The following LEPR variants were observed in gnomAD, a reference collection of about 807,000 sequenced individuals.
The protein encoded by LEPR is OB receptor.
A neutral mutation model predicts 114.7 loss-of-function variants in LEPR; 56 were observed. The observed-to-expected ratio is 0.49, with a 90% confidence interval of 0.39 to 0.61. The LOEUF (loss-of-function observed/expected upper bound fraction) is 0.61. LEPR is among the 20% of genes least tolerant of loss of function. The pLI, the probability that LEPR is intolerant of heterozygous loss-of-function variation, is 0.00. For synonymous variants in LEPR, 443 were observed against 461.4 expected (o/e 0.96, Z 0.51); for missense variants, 1,202 against 1,352.9 (o/e 0.89, Z 1.75).
At chr1:65,550,484 T>A (rs1226928356) in intron 2 of LEPR, among the ~76,000 whole-genome samples, 1 of 152,226 alleles carries the variant, frequency 6.6e-6, no homozygotes, top group African/African-American at 2.4e-5. Context: ...TCGAGCTTCC[T>A]GGCTGTTTTG....
chr1:65,574,803 G>A (rs896672499), intron 5 of LEPR, among the ~76,000 whole-genome samples: 1 of 152,224 alleles, frequency 6.6e-6, no homozygotes, highest in African/African-American at 2.4e-5. Flanking sequence ...TGAGTAGTGA[G>A]TAGTCAACGG....
intron 5 of LEPR, among the ~76,000 whole-genome samples, chr1:65,591,802 T>C (rs1313686105): frequency 6.6e-6 from 1 of 152,032 alleles, no homozygotes; most frequent in Non-Finnish European, 1.5e-5. Context: ...GTTAAGGCTG[T>C]TTGCATTTAG....
intron 4 of LEPR, 46 bp from the exon 5 acceptor site, chr1:65,572,280 T>A: frequency 6.8e-7 from 1 of 1,477,016 alleles, no homozygotes; most frequent in Non-Finnish European, 8.9e-7. Context: ...TTTTGAGATT[T>A]CATGTAGTTG....
chr1:65,535,128 A>G (rs539000987), intron 2 of LEPR, among the ~76,000 whole-genome samples: 3 of 152,072 alleles, frequency 2.0e-5, no homozygotes, highest in African/African-American at 7.2e-5. Flanking sequence ...ATAAACACAC[A>G]TATTATATGC....
At chr1:65,429,843 G>C in intron 2 of LEPR, 3 of 1,396,746 alleles carry the variant, frequency 2.1e-6, no homozygotes, top group Non-Finnish European at 2.8e-6. Context: ...TTTGGATTTT[G>C]CCTGGGTCCA....
intron 10 of LEPR, 80 bp from the exon 11 acceptor site, chr1:65,604,958 A>G: frequency 3.8e-6 from 6 of 1,567,332 alleles, no homozygotes; most frequent in Non-Finnish European, 4.3e-6. Context: ...GCTGTTTTAA[A>G]CAACAAATCA....
At chr1:65,630,758 T>G (rs1288178607) in intron 19 of LEPR, among the ~76,000 whole-genome samples, 3 of 152,022 alleles carry the variant, frequency 2.0e-5, no homozygotes, top group Non-Finnish European at 4.4e-5. Flanking sequence ...TTCCAGTGCT[T>G]CTGTTGGATT....
chr1:65,554,434 G>A (rs535111411), intron 2 of LEPR, among the ~76,000 whole-genome samples: 1 of 152,184 alleles, frequency 6.6e-6, no homozygotes, highest in African/African-American at 2.4e-5. Flanking sequence ...ATCTAGAGAG[G>A]CAGTCTGGCT....
At chr1:65,432,316 T>G in intron 2 of LEPR, 1 of 991,198 alleles carries the variant, frequency 1.0e-6, no homozygotes, top group Non-Finnish European at 1.2e-6. Flanking sequence ...TCCCTCTTTG[T>G]GTTGTAGTCC....
chr1:65,421,505 C>A (rs1646250547), intron 1 of LEPR: 2 of 1,534,686 alleles, frequency 1.3e-6, no homozygotes, highest in Non-Finnish European at 1.7e-6. Context: ...AGTAGCATGA[C>A]TTGTTTTTAT....
At chr1:65,615,445 G>C (rs923280167) in intron 14 of LEPR, among the ~76,000 whole-genome samples, 9 of 152,102 alleles carry the variant, frequency 5.9e-5, no homozygotes, top group African/African-American at 1.9e-4. Context: ...CATAGACACT[G>C]TTTTGATGGC....
In LEPR at chr1:65,483,834, T is replaced by C. The variant is rs532272158; in HGVS notation, c.-21+58456T>C. ...TAAGATGATTTCTCTGATAATTTTATCTGAAAAGTGACCACCCATCCTACT... is the reference window on the plus strand; with the variant it reads ...TAAGATGATTTCTCTGATAATTTTACCTGAAAAGTGACCACCCATCCTACT... On this transcript the variant is annotated intron_variant, in intron 2 of 19. Transcript: ENST00000349533. Among the ~76,000 whole-genome samples, 68 of 152,312 alleles carry C rather than the reference T, an allele frequency of 4.5e-4. 3 individuals carry two copies. The South Asian group carries it at 0.014, about 31-fold the overall frequency.
intron 8 of LEPR, among the ~76,000 whole-genome samples, chr1:65,600,032 T>G (rs760321467): frequency 1.4e-4 from 22 of 152,144 alleles, no homozygotes; most frequent in Non-Finnish European, 2.6e-4. Context: ...TTACTATATG[T>G]ATTTGATTTC....
At chr1:65,468,567 T>G in intron 2 of LEPR, among the ~76,000 whole-genome samples, 1 of 152,208 alleles carries the variant, frequency 6.6e-6, no homozygotes, top group East Asian at 1.9e-4. Flanking sequence ...CACAGAGGAC[T>G]AGAACCTGTA....
intron 11 of LEPR, 95 bp downstream of exon 11, chr1:65,605,332 AT>A: frequency 6.6e-7 from 1 of 1,505,220 alleles, no homozygotes; most frequent in Non-Finnish European, 9.2e-7. Context: ...TTCTGATCAC[AT>A]TAGATTTTGA....
At chr1:65,527,158 C>T (rs958326456) in intron 2 of LEPR, among the ~76,000 whole-genome samples, 4 of 152,198 alleles carry the variant, frequency 2.6e-5, no homozygotes, top group African/African-American at 9.7e-5. Flanking sequence ...AACATTGCAC[C>T]TTTCCTATCA....
Position 65,598,751 on chromosome 1 carries a change from A to G in LEPR, c.941A>G (p.Asp314Gly). The change falls in exon 8 of 20, where the codon GAT (aspartate) becomes GGT (glycine). Residue 314 changes from aspartate (D) to glycine (G), a missense_variant. Physicochemically the swap from Asp to Gly is moderately conservative, Grantham distance 94. Transcript: ENST00000349533. ...YEVQVRGKRL[D>G]GPGIWSDWST... ...GTTCAGGTGAGGGGCAAGAGACTGG[A>G]TGGCCCAGGAATCTGGAGTGACTGG... The G allele has an allele frequency of 6.2e-7, 1 of 1,613,506 alleles. No homozygotes were observed. Among genetic ancestry groups the G allele is most frequent in the Non-Finnish European group, 8.5e-7 (1 of 1,179,586 alleles).
chr1:65,581,527 T>G (rs1654989236), intron 5 of LEPR, among the ~76,000 whole-genome samples: 1 of 152,064 alleles, frequency 6.6e-6, no homozygotes, highest in Non-Finnish European at 1.5e-5. Context: ...AATACACTTC[T>G]CTCACAAAAC....
Position 65,526,954 on chromosome 1 carries a change from A to G in LEPR, c.-20-38592A>G, listed in dbSNP as rs575440841. Reference sequence around the variant, plus strand: ...TTTTAGGATTTTCCCACCAAAAGGTATAGAGAAAAACATGTATAAAGAGCT... The same window carrying G: ...TTTTAGGATTTTCCCACCAAAAGGTGTAGAGAAAAACATGTATAAAGAGCT... On this transcript the variant is annotated intron_variant, in intron 2 of 19. Transcript: ENST00000349533. 2.0e-5 allele frequency among the ~76,000 whole-genome samples: 3 copies of G among 152,358 alleles called. No individual in the cohort carries two copies. The South Asian group carries it at 6.2e-4, about 32-fold the overall frequency.
Sources: allele counts gnomAD v4.1 joint callset (sites outside exome capture counted in the v4.1 genomes callset), GRCh38; gene constraint gnomAD v4.1.1; transcripts MANE v1.5; gene names NCBI Gene and HGNC (gene_info 2026-07-23, HGNC 2026-07-21).